The following PTPRT variants were observed in gnomAD, a reference collection of about 807,000 sequenced individuals.
The protein encoded by PTPRT is protein tyrosine phosphatase receptor type T, also known as receptor-type tyrosine-protein phosphatase T.
A neutral mutation model predicts 176.8 loss-of-function variants in PTPRT; 56 were observed. That is an observed-to-expected ratio of 0.32 (90% CI 0.26 to 0.40). PTPRT has a LOEUF of 0.40. Among genes scored for constraint, PTPRT ranks in the 10% least tolerant of loss-of-function variants. The probability of loss-of-function intolerance (pLI) is 1.00; values close to 1 mark genes in which losing one functional copy is unlikely to be tolerated. For missense variants in PTPRT, 1,540 were observed against 1,908.2 expected, an observed-to-expected ratio of 0.81 and a Z score of 3.60; for synonymous variants, 783 against 739.0, an observed-to-expected ratio of 1.06 and a Z score of -0.96.
At chr20:42,410,733 C>G (rs1369565466) in intron 9 of PTPRT, among the ~76,000 whole-genome samples, 1 of 151,806 alleles carries the variant, frequency 6.6e-6, no homozygotes, top group African/African-American at 2.4e-5. Context: ...TGTTTTCTGA[C>G]TATAGTAGAT....
At chr20:42,315,618 G>A (rs542923986) in intron 12 of PTPRT, 105 bp downstream of exon 12, 63 of 1,339,304 alleles carry the variant, frequency 4.7e-5, no homozygotes, top group African/African-American at 2.1e-4. Flanking sequence ...TTTGCCCCAC[G>A]GGCCTTAGTT....
chr20:42,934,646 C>A (rs1022542746), intron 1 of PTPRT, among the ~76,000 whole-genome samples: 4 of 152,166 alleles, frequency 2.6e-5, no homozygotes, highest in South Asian at 2.1e-4. Context: ...GAACTATTGA[C>A]CAGAGGCATC....
intron 1 of PTPRT, among the ~76,000 whole-genome samples, chr20:43,019,406 G>A (rs918911567): frequency 3.3e-5 from 5 of 151,970 alleles, no homozygotes; most frequent in African/African-American, 1.2e-4. Flanking sequence ...AGATCACGAG[G>A]TCAGGAGATT....
chr20:42,249,296 T>G (rs555986703), intron 13 of PTPRT, among the ~76,000 whole-genome samples: 2 of 152,362 alleles, frequency 1.3e-5, no homozygotes, highest in Admixed American at 1.3e-4. Flanking sequence ...AGGTTTTTGT[T>G]TTGTTCTTTA....
intron 11 of PTPRT, among the ~76,000 whole-genome samples, chr20:42,347,280 A>G (rs1243323269): frequency 1.3e-4 from 20 of 152,244 alleles, no homozygotes; most frequent in Admixed American, 1.3e-3. Flanking sequence ...AAGCATCCTT[A>G]ACCCAGTGCA....
intron 2 of PTPRT, among the ~76,000 whole-genome samples, chr20:42,797,670 T>C (rs1033163589): frequency 6.6e-6 from 1 of 152,146 alleles, no homozygotes. Flanking sequence ...AAGGTTCAGA[T>C]GGAATTAAGG....
intron 11 of PTPRT, among the ~76,000 whole-genome samples, chr20:42,326,024 T>A (rs561436640): frequency 6.6e-6 from 1 of 152,204 alleles, no homozygotes; most frequent in Admixed American, 6.5e-5. Context: ...CTGACCACTT[T>A]ATTTAAAATA....
intron 1 of PTPRT, among the ~76,000 whole-genome samples, chr20:42,994,002 G>C (rs1005401410): frequency 2.6e-5 from 4 of 152,142 alleles, no homozygotes; most frequent in African/African-American, 9.7e-5. Context: ...ACTTGAGTCA[G>C]TGCAATTTCA....
chr20:43,073,232 T>C (rs936206108), intron 1 of PTPRT, among the ~76,000 whole-genome samples: 2 of 152,256 alleles, frequency 1.3e-5, no homozygotes, highest in Non-Finnish European at 2.9e-5. Flanking sequence ...ATGTTTTAAC[T>C]GTTAAATATA....
At chr20:42,175,908 G>T (rs1990272131) in intron 16 of PTPRT, among the ~76,000 whole-genome samples, 1 of 152,182 alleles carries the variant, frequency 6.6e-6, no homozygotes, top group African/African-American at 2.4e-5. Context: ...TTTTCTGAAT[G>T]AAGATATCAA....
At chr20:42,325,187 C>A (rs1044210700) in intron 11 of PTPRT, among the ~76,000 whole-genome samples, 1 of 152,108 alleles carries the variant, frequency 6.6e-6, no homozygotes, top group Non-Finnish European at 1.5e-5. Context: ...ACCTACAGGG[C>A]AGTGCAAAGA....
intron 7 of PTPRT, among the ~76,000 whole-genome samples, chr20:42,624,005 C>CAAAAAAAAAAAAACAAAAAA (rs1159094345): frequency 1.5e-5 from 2 of 135,686 alleles, no homozygotes; most frequent in Non-Finnish European, 1.5e-5. Flanking sequence ...AAAACAATAG[C>CAAAAAAAAAAAAACAAAAAA]AACAAACAAA....
chr20:42,046,791 G>GTGTGTGTGTC, the PTPRT span, among the ~76,000 whole-genome samples: 48 of 152,164 alleles, frequency 3.2e-4, no homozygotes, highest in African/African-American at 9.2e-4. Flanking sequence ...GTGTGTGTGT[G>GTGTGTGTGTC]TGTGTCTGTG....
chr20:42,653,758 T>G (rs575796761), intron 7 of PTPRT, among the ~76,000 whole-genome samples: 1 of 152,372 alleles, frequency 6.6e-6, no homozygotes, highest in South Asian at 2.1e-4. Context: ...CTGTGGTTTC[T>G]CTAATCACTT....
intron 7 of PTPRT, among the ~76,000 whole-genome samples, chr20:42,639,090 G>A (rs539417295): frequency 6.6e-6 from 1 of 152,140 alleles, no homozygotes; most frequent in Non-Finnish European, 1.5e-5. Flanking sequence ...AGGACAAGTT[G>A]ACCTTTAAAT....
chr20:42,848,895 T>G (rs924737400), intron 2 of PTPRT, among the ~76,000 whole-genome samples: 1 of 152,158 alleles, frequency 6.6e-6, no homozygotes, highest in Non-Finnish European at 1.5e-5. Context: ...CTTAAGCCAA[T>G]GTCTAGAAGG....
chr20:42,225,544 G>A (rs2055986579), intron 15 of PTPRT, among the ~76,000 whole-genome samples: 1 of 151,926 alleles, frequency 6.6e-6, no homozygotes, highest in Non-Finnish European at 1.5e-5. Flanking sequence ...GCCTTTTTAA[G>A]TTTTTTTCCT....
intron 1 of PTPRT, among the ~76,000 whole-genome samples, chr20:42,919,708 C>A (rs1000757472): frequency 6.6e-6 from 1 of 152,202 alleles, no homozygotes; most frequent in Admixed American, 6.5e-5. Flanking sequence ...GAAGCAGAAA[C>A]CTTTAAACCT....
the PTPRT span, among the ~76,000 whole-genome samples, chr20:42,038,653 A>G: frequency 1.3e-5 from 2 of 152,152 alleles, no homozygotes; most frequent in Admixed American, 1.3e-4. Context: ...CCACCCTTAA[A>G]AGGAGAGTAA....
Sources: allele counts gnomAD v4.1 joint callset (sites outside exome capture counted in the v4.1 genomes callset), GRCh38; gene constraint gnomAD v4.1.1; transcripts MANE v1.5; gene names NCBI Gene and HGNC (gene_info 2026-07-23, HGNC 2026-07-21).